Variants in CACNG2 observed in about 807,000 individuals in gnomAD.
CACNG2 encodes the protein calcium voltage-gated channel auxiliary subunit gamma 2.
A neutral mutation model predicts 25.9 loss-of-function variants in CACNG2; 3 were observed. That is an observed-to-expected ratio of 0.12 (90% CI 0.05 to 0.30). The LOEUF is 0.30. Among genes scored for constraint, CACNG2 ranks in the 10% least tolerant of loss-of-function variants. The pLI, the probability that CACNG2 is intolerant of heterozygous loss-of-function variation, is 1.00. For missense variants in CACNG2, 341 were observed against 432.5 expected, an observed-to-expected ratio of 0.79 and a Z score of 1.88; for synonymous variants, 167 against 173.3, an observed-to-expected ratio of 0.96 and a Z score of 0.29.
intron 1 of CACNG2, among the ~76,000 whole-genome samples, chr22:36,698,521 A>G (rs1236575476): frequency 6.6e-6 from 1 of 152,096 alleles, no homozygotes; most frequent in Non-Finnish European, 1.5e-5. Context: ...CCGAGCGTGG[A>G]GCACTGTATC....
At chr22:36,631,415 G>T (rs1936268495) in intron 1 of CACNG2, among the ~76,000 whole-genome samples, 1 of 152,148 alleles carries the variant, frequency 6.6e-6, no homozygotes, top group Non-Finnish European at 1.5e-5. Flanking sequence ...CCCCACCTCT[G>T]TGTCAGCAGT....
intron 1 of CACNG2, among the ~76,000 whole-genome samples, chr22:36,629,262 C>T (rs909516887): frequency 2.0e-5 from 3 of 152,162 alleles, no homozygotes; most frequent in African/African-American, 7.2e-5. Flanking sequence ...TTCCTTCATT[C>T]GTTCATTCAC....
At position 36,574,050 on chromosome 22, in the gene CACNG2, A is replaced by C. The variant is rs954599824; in HGVS notation, c.296-7557T>G. Among the ~76,000 whole-genome samples the C allele has an allele frequency of 3.9e-5, 6 of 151,970 alleles. No individual in the cohort carries two copies. The South Asian group carries it at 1.0e-3, about 26-fold the overall frequency. ...GAGCCAGTGGAGGAGTGTGGGGAGC[A>C]CCTAAGGAGAGGAGGCAGGCGGGTC... On this transcript the variant is annotated intron_variant, in intron 2 of 3. Coordinates refer to ENST00000300105, the MANE Select transcript of CACNG2 (RefSeq NM_006078.5).
intron 1 of CACNG2, among the ~76,000 whole-genome samples, chr22:36,622,821 T>A (rs1936125495): frequency 6.6e-6 from 1 of 151,336 alleles, no homozygotes; most frequent in Non-Finnish European, 1.5e-5. Context: ...TAGCTTGGGG[T>A]GGTGGCGCAT....
At chr22:36,658,046 G>A (rs910709160) in intron 1 of CACNG2, among the ~76,000 whole-genome samples, 32 of 152,118 alleles carry the variant, frequency 2.1e-4, no homozygotes, top group African/African-American at 6.3e-4. Flanking sequence ...GTTCCTCTAA[G>A]GTTGTCATAA....
chr22:36,688,650 G>A (rs1334040741), intron 1 of CACNG2, among the ~76,000 whole-genome samples: 1 of 152,148 alleles, frequency 6.6e-6, no homozygotes, highest in East Asian at 1.9e-4. Flanking sequence ...TTGGTGCCTG[G>A]GAAGAAGGTG....
chr22:36,575,151 C>T (rs902450860), intron 2 of CACNG2, among the ~76,000 whole-genome samples: 9 of 152,190 alleles, frequency 5.9e-5, no homozygotes, highest in African/African-American at 2.2e-4. Flanking sequence ...TACTGGGTTA[C>T]AGGGATTAAG....
chr22:36,651,065 C>G (rs1303292101), intron 1 of CACNG2, among the ~76,000 whole-genome samples: 1 of 152,102 alleles, frequency 6.6e-6, no homozygotes, highest in Non-Finnish European at 1.5e-5. Context: ...TTCCTGATGT[C>G]TTTTTCTCCT....
intron 1 of CACNG2, among the ~76,000 whole-genome samples, chr22:36,596,134 C>T (rs568106727): frequency 7.4e-4 from 112 of 152,330 alleles, no homozygotes; most frequent in Non-Finnish European, 1.3e-3. Flanking sequence ...GGAGGGGACA[C>T]GGTGGAGCGA....
intron 1 of CACNG2, among the ~76,000 whole-genome samples, chr22:36,675,702 G>A (rs747095314): frequency 2.0e-5 from 3 of 152,180 alleles, no homozygotes; most frequent in Non-Finnish European, 2.9e-5. Flanking sequence ...CCCCATCTCC[G>A]TGCCTCTCTC....
At chr22:36,580,910 C>T (rs536804415) in intron 2 of CACNG2, among the ~76,000 whole-genome samples, 81 of 152,214 alleles carry the variant, frequency 5.3e-4, no homozygotes, top group African/African-American at 1.9e-3. Flanking sequence ...AACACACAAG[C>T]GCTTACACAT....
chr22:36,619,194 A>G (rs1049625735), intron 1 of CACNG2, among the ~76,000 whole-genome samples: 2 of 152,224 alleles, frequency 1.3e-5, no homozygotes, highest in Non-Finnish European at 2.9e-5. Flanking sequence ...AGTTCTGTTT[A>G]TCAATCTATG....
At chr22:36,597,376 A>G (rs1935693364) in intron 1 of CACNG2, among the ~76,000 whole-genome samples, 2 of 152,132 alleles carry the variant, frequency 1.3e-5, no homozygotes, top group African/African-American at 2.4e-5. Flanking sequence ...CCAGAGTTAG[A>G]AAGATTTGGC....
chr22:36,591,340 A>C (rs1183034982), intron 1 of CACNG2, among the ~76,000 whole-genome samples: 1 of 151,748 alleles, frequency 6.6e-6, no homozygotes, highest in Non-Finnish European at 1.5e-5. Context: ...AAGGGGGGAG[A>C]TATTAAAGCC....
chr22:36,580,160 C>T (rs140155125), intron 2 of CACNG2, among the ~76,000 whole-genome samples: 165 of 152,280 alleles, frequency 1.1e-3, no homozygotes, highest in African/African-American at 2.9e-3. Context: ...GCAAGGAAAC[C>T]GAGGCCCAGG....
intron 3 of CACNG2, among the ~76,000 whole-genome samples, 155 bp downstream of exon 3, chr22:36,566,198 C>T (rs988798010): frequency 1.3e-5 from 2 of 152,102 alleles, no homozygotes; most frequent in Non-Finnish European, 2.9e-5. Context: ...GACAGGAGCC[C>T]CCCCACCACC....
intron 1 of CACNG2, among the ~76,000 whole-genome samples, chr22:36,596,572 A>T (rs766453706): frequency 3.3e-5 from 5 of 152,194 alleles, no homozygotes; most frequent in Non-Finnish European, 5.9e-5. Flanking sequence ...ACTGTGTGCT[A>T]GGCACTGGGC....
chr22:36,609,490 C>T (rs549855391), intron 1 of CACNG2, among the ~76,000 whole-genome samples: 2 of 117,228 alleles, frequency 1.7e-5, no homozygotes, highest in South Asian at 3.0e-4. Context: ...GCCCGTAGAG[C>T]GTGATCAGGA....
At position 36,702,359 on chromosome 22, in the gene CACNG2, C is replaced by A; in HGVS notation, c.211+7G>T. On this transcript the variant is annotated splice_region_variant and intron_variant, in intron 1 of 3. Coordinates refer to ENST00000300105, the MANE Select transcript of CACNG2 (RefSeq NM_006078.5). ...GGAGAGGGGGGAGGAGATGGGAAGT[C>A]AAGTACCTTCTAGGCAGCAGGTTCT... The A allele has an allele frequency of 1.2e-6, 2 of 1,606,084 alleles. No homozygotes were observed. Among genetic ancestry groups the A allele is most frequent in the South Asian group, 2.2e-5 (2 of 90,820 alleles).
Sources: allele counts gnomAD v4.1 joint callset (sites outside exome capture counted in the v4.1 genomes callset), GRCh38; gene constraint gnomAD v4.1.1; transcripts MANE v1.5; gene names NCBI Gene and HGNC (gene_info 2026-07-23, HGNC 2026-07-21).